The following CPQ variants were observed in gnomAD, a reference collection of about 807,000 sequenced individuals.
CPQ encodes carboxypeptidase Q.
CPQ carries 37 observed loss-of-function variants against 45.7 expected under a neutral mutation model. The observed-to-expected ratio is 0.81, with a 90% CI of 0.62 to 1.07. CPQ has a LOEUF of 1.07. Among genes scored for constraint, CPQ ranks in the 50% least tolerant of loss-of-function variants. CPQ has a pLI of 0.00. For synonymous variants in CPQ, 186 were observed against 205.8 expected, an observed-to-expected ratio of 0.90 and a Z score of 0.82; for missense variants, 537 against 572.9, an observed-to-expected ratio of 0.94 and a Z score of 0.64.
intron 7 of CPQ, among the ~76,000 whole-genome samples, chr8:97,134,645 A>C (rs1014726446): frequency 1.3e-5 from 2 of 152,238 alleles, no homozygotes; most frequent in Non-Finnish European, 2.9e-5. Flanking sequence ...CAAGTCATGC[A>C]AATGGTTTCC....
At chr8:97,049,408 G>A (rs1167019912) in intron 6 of CPQ, among the ~76,000 whole-genome samples, 1 of 152,182 alleles carries the variant, frequency 6.6e-6, no homozygotes, top group East Asian at 1.9e-4. Flanking sequence ...TTTCTTAAAT[G>A]TGGTTCAAAG....
At chr8:96,980,524 A>G (rs1813874912) in intron 5 of CPQ, among the ~76,000 whole-genome samples, 1 of 152,236 alleles carries the variant, frequency 6.6e-6, no homozygotes, top group South Asian at 2.1e-4. Context: ...GAAATAATAT[A>G]CACAGTAACT....
chr8:96,949,063 G>A (rs532718429), intron 4 of CPQ, among the ~76,000 whole-genome samples: 7 of 152,046 alleles, frequency 4.6e-5, no homozygotes, highest in Non-Finnish European at 1.0e-4. Flanking sequence ...TGGAGTGCAT[G>A]TAGTTGGGTA....
chr8:96,812,354 A>G (rs1811169758), intron 2 of CPQ, among the ~76,000 whole-genome samples: 2 of 152,168 alleles, frequency 1.3e-5, no homozygotes, highest in African/African-American at 4.8e-5. Flanking sequence ...TTTTAAAAGG[A>G]TTAAAAGCAC....
Position 97,129,198 on chromosome 8 carries a change from C to T in CPQ, c.1256-13822C>T, listed in dbSNP as rs754125248. On this transcript the variant is annotated intron_variant, in intron 7 of 7. Coordinates refer to ENST00000220763, the MANE Select transcript of CPQ (RefSeq NM_016134.4). ...GTTCCCTGGAAAGAAAAGATGGGTG[C>T]TGATGTGGGCAGGGGCCATCTGAGG... Among the ~76,000 whole-genome samples, 4 of 152,286 alleles carry T rather than the reference C, an allele frequency of 2.6e-5. 1 individual carries two copies. In the South Asian group the frequency reaches 8.3e-4, roughly 32 times the overall value.
At chr8:97,012,085 T>G (rs1809496552) in intron 5 of CPQ, among the ~76,000 whole-genome samples, 1 of 152,194 alleles carries the variant, frequency 6.6e-6, no homozygotes, top group Admixed American at 6.5e-5. Context: ...TCCTCTGGAT[T>G]GTAAGTTTCA....
chr8:96,862,565 C>T (rs1657906077), intron 3 of CPQ, among the ~76,000 whole-genome samples: 1 of 151,886 alleles, frequency 6.6e-6, no homozygotes, highest in Non-Finnish European at 1.5e-5. Flanking sequence ...AGACTTTTGA[C>T]CAGGGAATGA....
chr8:96,702,622 C>CG (rs1183743753), intron 1 of CPQ, among the ~76,000 whole-genome samples: 38 of 152,072 alleles, frequency 2.5e-4, no homozygotes, highest in Admixed American at 2.1e-3. Flanking sequence ...ATGAGGTAGG[C>CG]GATGGTACTA....
At chr8:96,768,749 G>T (rs1215155987) in intron 1 of CPQ, among the ~76,000 whole-genome samples, 1 of 152,132 alleles carries the variant, frequency 6.6e-6, no homozygotes, top group East Asian at 1.9e-4. Flanking sequence ...CTTCTGGCTT[G>T]GGCTGTAACA....
intron 4 of CPQ, among the ~76,000 whole-genome samples, chr8:96,894,035 C>T (rs1253637009): frequency 6.6e-6 from 1 of 152,132 alleles, no homozygotes; most frequent in Non-Finnish European, 1.5e-5. Flanking sequence ...TCTCTTGCAT[C>T]ACTTGCTCTG....
At chr8:97,043,349 C>T (rs1586510858) in intron 6 of CPQ, among the ~76,000 whole-genome samples, 1 of 151,534 alleles carries the variant, frequency 6.6e-6, no homozygotes, top group East Asian at 1.9e-4. Flanking sequence ...GTAGATCTTC[C>T]TCCATCCTTT....
At chr8:97,011,943 G>A (rs183719003) in intron 5 of CPQ, among the ~76,000 whole-genome samples, 67 of 152,072 alleles carry the variant, frequency 4.4e-4, no homozygotes, top group East Asian at 1.2e-3. Context: ...CCCAGTGTGC[G>A]CGCTCTCTCT....
intron 1 of CPQ, among the ~76,000 whole-genome samples, chr8:96,781,242 C>T (rs934167595): frequency 2.4e-4 from 36 of 152,086 alleles, no homozygotes; most frequent in African/African-American, 5.8e-4. Flanking sequence ...GCTGCTATAA[C>T]GGAATACCAT....
At chr8:97,139,843 TAAATC>T (rs1812126599) in intron 7 of CPQ, among the ~76,000 whole-genome samples, 1 of 151,408 alleles carries the variant, frequency 6.6e-6, no homozygotes, top group Admixed American at 6.6e-5. Flanking sequence ...GAAAAGCAAA[TAAATC>T]CAAAGAAAGG....
intron 4 of CPQ, among the ~76,000 whole-genome samples, chr8:96,929,694 C>A (rs1181971028): frequency 6.6e-6 from 1 of 152,136 alleles, no homozygotes; most frequent in African/African-American, 2.4e-5. Context: ...TGAAAATATA[C>A]TTTTACTGTA....
chr8:97,138,363 C>T lies in CPQ; in HGVS notation c.1256-4657C>T, dbSNP rs574571051. ...GTTTATGGGAGTAGATAGGGGAAAACTCTGGTACAAAGTTGTAAGAACGTG... is the reference window on the plus strand; with the variant it reads ...GTTTATGGGAGTAGATAGGGGAAAATTCTGGTACAAAGTTGTAAGAACGTG... On this transcript the variant is annotated intron_variant, in intron 7 of 7. Coordinates refer to ENST00000220763, the MANE Select transcript of CPQ (RefSeq NM_016134.4). Among the ~76,000 whole-genome samples the T allele has an allele frequency of 1.4e-3, 214 of 152,192 alleles. 1 individual carries two copies. Among genetic ancestry groups the T allele is most frequent in the African/African-American group, 4.6e-3 (192 of 41,534 alleles).
Position 96,881,160 on chromosome 8 carries a change from G to C in CPQ, c.849+1155G>C, listed in dbSNP as rs148249945. Reference sequence around the variant, plus strand: ...CTTAGTGAATTTGCATATATTTTCTGTATTAGTCCATTCTCACATTGCTAT... The same window carrying C: ...CTTAGTGAATTTGCATATATTTTCTCTATTAGTCCATTCTCACATTGCTAT... On this transcript the variant is annotated intron_variant, in intron 4 of 7. Coordinates refer to ENST00000220763, the MANE Select transcript of CPQ (RefSeq NM_016134.4). Among the ~76,000 whole-genome samples the C allele has an allele frequency of 4.6e-3, 707 of 152,190 alleles. 6 individuals are homozygous for C. Among genetic ancestry groups the C allele is most frequent in the African/African-American group, 0.016 (675 of 41,534 alleles).
At chr8:96,818,131 A>G (rs1004786434) in intron 2 of CPQ, among the ~76,000 whole-genome samples, 3 of 151,904 alleles carry the variant, frequency 2.0e-5, no homozygotes, top group Non-Finnish European at 2.9e-5. Context: ...CCTAATTTCA[A>G]TGGTGTTGTA....
At chr8:97,132,507 T>A (rs1343905738) in intron 7 of CPQ, among the ~76,000 whole-genome samples, 2 of 152,206 alleles carry the variant, frequency 1.3e-5, no homozygotes, top group Non-Finnish European at 2.9e-5. Flanking sequence ...GGGAAAAATG[T>A]TTAAGTTCAA....
Sources: allele counts gnomAD v4.1 joint callset (sites outside exome capture counted in the v4.1 genomes callset), GRCh38; gene constraint gnomAD v4.1.1; transcripts MANE v1.5; gene names NCBI Gene and HGNC (gene_info 2026-07-23, HGNC 2026-07-21).